The following DPYD variants were observed in gnomAD, a reference collection of about 807,000 sequenced individuals.
DPYD encodes the protein dihydropyrimidine dehydrogenase, also known as dihydropyrimidine dehydrogenase [NADP(+)].
DPYD carries 109 observed loss-of-function variants against 116.2 expected under a neutral mutation model. That is an observed-to-expected ratio of 0.94 (90% confidence interval 0.80 to 1.10). DPYD has a LOEUF of 1.10. Among genes scored for constraint, DPYD ranks in the 50% least tolerant of loss-of-function variants. The pLI is 0.00. For missense variants in DPYD, 1,302 were observed against 1,254.5 expected (o/e 1.04, Z -0.57); for synonymous variants, 440 against 432.0 (o/e 1.02, Z -0.23).
At chr1:97,820,875 T>C (rs915782560) in intron 3 of DPYD, among the ~76,000 whole-genome samples, 2 of 152,208 alleles carry the variant, frequency 1.3e-5, no homozygotes, top group African/African-American at 4.8e-5. Flanking sequence ...CAATCTATAT[T>C]TTATGTGTAT....
intron 19 of DPYD, among the ~76,000 whole-genome samples, chr1:97,213,982 G>A (rs115302069): frequency 0.02 from 3,051 of 152,190 alleles, 61 homozygotes; most frequent in Non-Finnish European, 0.03. Flanking sequence ...CTGATTAATA[G>A]CTTTAGAAGA....
intron 13 of DPYD, 63 bp downstream of exon 13, chr1:97,515,663 G>A: frequency 6.9e-7 from 1 of 1,445,532 alleles, no homozygotes; most frequent in Non-Finnish European, 9.5e-7. Context: ...CCATTATAAT[G>A]TTTATACCTT....
chr1:97,476,773 C>G (rs570901354), intron 13 of DPYD, among the ~76,000 whole-genome samples: 21 of 152,008 alleles, frequency 1.4e-4, no homozygotes, highest in Non-Finnish European at 2.9e-4. Flanking sequence ...ACAGGCACAC[C>G]TAGGAGATGC....
chr1:97,523,464 A>T (rs1295133846), intron 12 of DPYD, among the ~76,000 whole-genome samples: 1 of 152,020 alleles, frequency 6.6e-6, no homozygotes, highest in Non-Finnish European at 1.5e-5. Flanking sequence ...ATTACACTTA[A>T]TTTTTTTCAT....
At chr1:97,753,731 A>G (rs1266748051) in intron 3 of DPYD, among the ~76,000 whole-genome samples, 1 of 152,122 alleles carries the variant, frequency 6.6e-6, no homozygotes, top group Non-Finnish European at 1.5e-5. Flanking sequence ...AATCAGTAAG[A>G]CCAATCTTTC....
rs181062224 is a variant in DPYD at position 97,397,935 on chromosome 1, C to A, written c.1906-15474G>T. On this transcript the variant is annotated intron_variant, in intron 14 of 22. Coordinates refer to ENST00000370192, the MANE Select transcript of DPYD (RefSeq NM_000110.4). The stretch of plus-strand genomic sequence containing the variant: ...TATTTGTAGTTTTACAAGAAACTGC[C>A]ACATGCTGTCTTTTTTTTTTTAAAT... Among the ~76,000 whole-genome samples the A allele has an allele frequency of 6.3e-4, 93 of 146,862 alleles. 1 individual carries two copies. The highest frequency in any genetic ancestry group is 5.0e-3 in the Admixed American group (74 of 14,800).
chr1:97,759,934 TAA>T (rs1665479700), intron 3 of DPYD, among the ~76,000 whole-genome samples: 2 of 152,200 alleles, frequency 1.3e-5, no homozygotes, highest in African/African-American at 4.8e-5. Context: ...CGTGATAAAC[TAA>T]AAGCATGCGC....
At position 97,721,500 on chromosome 1, in the gene DPYD, T is replaced by C; in HGVS notation, c.483+10A>G. ...GTAGTGGGGGGATGTCACGTGTATA[T>C]CATACATACCTCAGTAGCAAATTGC... On this transcript the variant is annotated intron_variant, in intron 5 of 22. Coordinates refer to ENST00000370192, the MANE Select transcript of DPYD (RefSeq NM_000110.4). The C allele has an allele frequency of 1.9e-6, 3 of 1,610,804 alleles. No homozygotes were observed. Among genetic ancestry groups the C allele is most frequent in the Non-Finnish European group, 2.5e-6 (3 of 1,177,770 alleles).
At chr1:97,374,478 T>A (rs1482385614) in intron 15 of DPYD, among the ~76,000 whole-genome samples, 1 of 151,968 alleles carries the variant, frequency 6.6e-6, no homozygotes, top group Non-Finnish European at 1.5e-5. Context: ...CCCAGCACTT[T>A]GGGAGGCCAA....
intron 13 of DPYD, among the ~76,000 whole-genome samples, chr1:97,483,598 C>T (rs1408748010): frequency 3.3e-5 from 5 of 152,112 alleles, no homozygotes; most frequent in African/African-American, 4.8e-5. Flanking sequence ...CCATGGCACA[C>T]GTTTACCTAT....
At chr1:97,756,438 T>C (rs1454550197) in intron 3 of DPYD, among the ~76,000 whole-genome samples, 1 of 152,104 alleles carries the variant, frequency 6.6e-6, no homozygotes, top group African/African-American at 2.4e-5. Context: ...ATTCCTCACA[T>C]CTAAAATGGA....
intron 4 of DPYD, among the ~76,000 whole-genome samples, chr1:97,727,463 T>A (rs1410761179): frequency 6.6e-6 from 1 of 151,578 alleles, no homozygotes; most frequent in Non-Finnish European, 1.5e-5. Flanking sequence ...AATAGAAGGG[T>A]TCCAGTATTA....
chr1:97,260,593 A>C (rs1173145615), intron 18 of DPYD, among the ~76,000 whole-genome samples: 1 of 152,138 alleles, frequency 6.6e-6, no homozygotes, highest in Non-Finnish European at 1.5e-5. Context: ...TAAAATTAGA[A>C]TGTTTCAGTA....
At chr1:97,700,225 A>G in intron 5 of DPYD, 1 of 455,962 alleles carries the variant, frequency 2.2e-6, no homozygotes, top group Non-Finnish European at 4.4e-6. Flanking sequence ...GAAGAGAACC[A>G]CAGCTCAGAA....
chr1:97,602,797 A>T (rs1655343917), intron 8 of DPYD, among the ~76,000 whole-genome samples: 1 of 151,956 alleles, frequency 6.6e-6, no homozygotes, highest in Admixed American at 6.6e-5. Context: ...AAAAAAAAGA[A>T]GTACCTTTTT....
chr1:97,098,315 A>C (rs1206828728), intron 21 of DPYD, among the ~76,000 whole-genome samples, 174 bp downstream of exon 21: 2 of 152,182 alleles, frequency 1.3e-5, no homozygotes, highest in Non-Finnish European at 1.5e-5. Flanking sequence ...CAAATAAAAA[A>C]GGTTATTTTA....
chr1:97,084,547 A>C (rs1379297340), intron 21 of DPYD, among the ~76,000 whole-genome samples: 3 of 151,902 alleles, frequency 2.0e-5, no homozygotes, highest in African/African-American at 7.3e-5. Context: ...ACTAATGACA[A>C]CAGATACCTT....
At chr1:97,504,457 TCCCTTGGAAAGGC>T (rs1679768678) in intron 13 of DPYD, among the ~76,000 whole-genome samples, 1 of 151,922 alleles carries the variant, frequency 6.6e-6, no homozygotes, top group South Asian at 2.1e-4. Context: ...TTCAATATGG[TCCCTTGGAAAGGC>T]AAATGTGTTG....
intron 2 of DPYD, chr1:97,856,808 G>C (rs1367813715): frequency 1.8e-4 from 27 of 152,254 alleles, no homozygotes; most frequent in Admixed American, 1.7e-3. Flanking sequence ...CCTGACATAG[G>C]AGGTCCTCCA....
Sources: allele counts gnomAD v4.1 joint callset (sites outside exome capture counted in the v4.1 genomes callset), GRCh38; gene constraint gnomAD v4.1.1; transcripts MANE v1.5; gene names NCBI Gene and HGNC (gene_info 2026-07-23, HGNC 2026-07-21).